Variants in RYR2 observed in about 807,000 individuals in gnomAD.
RYR2 encodes the protein cardiac muscle ryanodine receptor-calcium release channel.
In RYR2, 227 loss-of-function variants were observed where a neutral mutation model predicts 601.1. The ratio of observed to expected loss-of-function variants is 0.38; its 90% CI spans 0.34 to 0.42. RYR2 has a LOEUF of 0.42. Among genes scored for constraint, RYR2 ranks in the 10% least tolerant of loss-of-function variants. RYR2 has a pLI of 1.00. For synonymous variants in RYR2, 2,223 were observed against 2,175.1 expected, an observed-to-expected ratio of 1.02 and a Z score of -0.61; for missense variants, 4,646 against 6,156.5, an observed-to-expected ratio of 0.75 and a Z score of 8.21.
At chr1:237,502,812 C>G (rs1333787801) in intron 21 of RYR2, among the ~76,000 whole-genome samples, 1 of 148,796 alleles carries the variant, frequency 6.7e-6, no homozygotes, top group Non-Finnish European at 1.5e-5. Context: ...GAAAAGTGAC[C>G]AAGAAAGTGA....
chr1:237,303,292 C>CTTTTTTTTTTTTTTTTTTTTT (rs386370109), intron 2 of RYR2, among the ~76,000 whole-genome samples: 1 of 85,254 alleles, frequency 1.2e-5, no homozygotes, highest in Non-Finnish European at 2.2e-5. Context: ...CTGCGGTTAT[C>CTTTTTTTTTTTTTTTTTTTTT]TTTTTTTTTT....
At chr1:237,385,014 T>C (rs10925396) in intron 8 of RYR2, among the ~76,000 whole-genome samples, 80,275 of 151,444 alleles carry the variant, frequency 0.53, 21,759 homozygotes, top group Admixed American at 0.69. Flanking sequence ...CTCAGCCTCC[T>C]GAGTAACTGG....
intron 80 of RYR2, among the ~76,000 whole-genome samples, chr1:237,750,598 G>T (rs1018441186): frequency 1.1e-4 from 16 of 150,684 alleles, no homozygotes; most frequent in Non-Finnish European, 1.5e-5. Context: ...TTGATATTAG[G>T]TATATTAAAT....
chr1:237,242,605 A>T (rs77615368), intron 1 of RYR2, among the ~76,000 whole-genome samples: 1 of 152,314 alleles, frequency 6.6e-6, no homozygotes, highest in East Asian at 1.9e-4. Context: ...TCAGGACGTG[A>T]ATCCTTAGCA....
At chr1:237,506,224 G>T (rs1442595200) in intron 22 of RYR2, among the ~76,000 whole-genome samples, 2 of 150,682 alleles carry the variant, frequency 1.3e-5, no homozygotes, top group East Asian at 2.0e-4. Context: ...AAAAAAAAAA[G>T]GTACCAAAAT....
intron 1 of RYR2, among the ~76,000 whole-genome samples, chr1:237,229,398 C>T (rs766141360): frequency 6.6e-6 from 1 of 152,114 alleles, no homozygotes; most frequent in African/African-American, 2.4e-5. Flanking sequence ...GAATGAAGGA[C>T]GTCGGTTAAA....
chr1:237,745,500 T>C (rs887233529), intron 80 of RYR2, among the ~76,000 whole-genome samples: 3 of 152,186 alleles, frequency 2.0e-5, no homozygotes, highest in African/African-American at 7.2e-5. Flanking sequence ...AAGGTGTTGC[T>C]AGCCAAGAAA....
At chr1:237,096,982 A>G (rs1039620798) in intron 1 of RYR2, among the ~76,000 whole-genome samples, 1 of 152,224 alleles carries the variant, frequency 6.6e-6, no homozygotes, top group African/African-American at 2.4e-5. Context: ...GCAGTCGCCC[A>G]TGTGATTTTA....
intron 3 of RYR2, among the ~76,000 whole-genome samples, chr1:237,351,022 A>T (rs139762774): frequency 6.6e-6 from 1 of 152,238 alleles, no homozygotes; most frequent in Non-Finnish European, 1.5e-5. Context: ...GAGGAAGTAT[A>T]AGCAAATTTC....
chr1:237,169,412 C>T (rs1408589656), intron 1 of RYR2, among the ~76,000 whole-genome samples: 2 of 152,052 alleles, frequency 1.3e-5, no homozygotes, highest in East Asian at 1.9e-4. Flanking sequence ...AATTCTCCTG[C>T]CTCAGCCTCC....
chr1:237,189,528 A>T (rs75231857), intron 1 of RYR2, among the ~76,000 whole-genome samples: 2,135 of 152,320 alleles, frequency 0.014, 51 homozygotes, highest in African/African-American at 0.048. Flanking sequence ...AGACTAGGTC[A>T]TGAGGGTGAG....
chr1:237,538,326 C>T lies in RYR2; in HGVS notation c.2906+7816C>T, dbSNP rs528832946. Among the ~76,000 whole-genome samples, 38 of 123,856 alleles carry T rather than the reference C, an allele frequency of 3.1e-4. 1 individual carries two copies. The highest frequency in any genetic ancestry group is 2.2e-3 in the South Asian group (8 of 3,564). The allele number at this position is 123,856 out of a possible 152,430, so 81.3% of individuals were successfully genotyped here. A position where few individuals can be genotyped will look rare whatever the true frequency, so the allele number is the denominator to read the frequency against. On this transcript the variant is annotated intron_variant, in intron 25 of 104. Transcript: ENST00000366574. ...AGGAGAATTGCTTGAACCCAGGAGG[C>T]GGAACTTTCAGTGAGCCGAGATCGT...
intron 11 of RYR2, among the ~76,000 whole-genome samples, chr1:237,422,362 G>A (rs72765972): frequency 0.13 from 19,354 of 151,936 alleles, 1,467 homozygotes; most frequent in East Asian, 0.27. Context: ...TCATTTCTGC[G>A]CATTAACAAC....
chr1:237,366,024 G>A (rs1700168325), intron 5 of RYR2, among the ~76,000 whole-genome samples: 1 of 152,232 alleles, frequency 6.6e-6, no homozygotes, highest in Non-Finnish European at 1.5e-5. Context: ...GCATATGCAT[G>A]CAATTACAGT....
At chr1:237,545,808 C>T (rs2148064460) in intron 25 of RYR2, among the ~76,000 whole-genome samples, 1 of 151,422 alleles carries the variant, frequency 6.6e-6, no homozygotes, top group South Asian at 2.1e-4. Flanking sequence ...GCCTGTAATC[C>T]CAGCAATTTG....
At chr1:237,349,020 C>A (rs1698533345) in intron 3 of RYR2, among the ~76,000 whole-genome samples, 1 of 152,076 alleles carries the variant, frequency 6.6e-6, no homozygotes, top group African/African-American at 2.4e-5. Context: ...ATAAAAGATG[C>A]ATTAACTGTA....
intron 1 of RYR2, among the ~76,000 whole-genome samples, chr1:237,056,949 A>G (rs1373770061): frequency 1.3e-5 from 2 of 152,194 alleles, no homozygotes; most frequent in African/African-American, 4.8e-5. Flanking sequence ...GAGCTGAGAG[A>G]TAATACATTT....
In RYR2 at chr1:237,784,012, C is replaced by G. The variant is rs780340107; in HGVS notation, c.12300C>G (p.Val4100=). The G allele has an allele frequency of 6.2e-7, 1 of 1,613,994 alleles. No individual in the cohort carries two copies. The highest frequency in any genetic ancestry group is 8.5e-7 in the Non-Finnish European group (1 of 1,179,870). ...PAKDIGFNVA[V]LLTNLSEHMP... ...AGGACATCGGCTTCAACGTCGCCGT[C>G]CTTCTGACAAACCTCTCTGAGCACA... The change falls in exon 90 of 105, where the codon GTC becomes GTG. Residue 4100 remains valine (V), a synonymous_variant. Coordinates refer to ENST00000366574, the MANE Select transcript of RYR2 (RefSeq NM_001035.3). This position sits in a 1 kb window ranked among gnomAD's most constrained non-coding sequence, Gnocchi z 7.1.
chr1:237,732,309 C>T lies in RYR2; in HGVS notation c.11039+160C>T, dbSNP rs577570248. ...ACCAGCCTGGCATGTACCTAGGGAC[C>T]GACACTCATTCAATTTTAGGCTTCA... is the stretch of plus-strand genomic sequence containing the variant. On this transcript the variant is annotated intron_variant, in intron 78 of 104. Coordinates refer to ENST00000366574, the MANE Select transcript of RYR2 (RefSeq NM_001035.3). Among the ~76,000 whole-genome samples, 8 of 152,114 alleles carry T rather than the reference C, an allele frequency of 5.3e-5. No individual in the cohort carries two copies. The East Asian group carries it at 7.7e-4, about 15-fold the overall frequency.
Sources: gnomAD v4.1 joint callset for allele counts (sites outside exome capture counted in the v4.1 genomes callset) on GRCh38, gnomAD v4.1.1 for gene constraint, Gnocchi (gnomAD v3.1) non-coding constraint, MANE v1.5 for transcripts, NCBI Gene and HGNC (gene_info 2026-07-23, HGNC 2026-07-21) for gene names.